Variants in R3HDM2 observed in about 807,000 individuals in gnomAD.
R3HDM2 encodes the protein R3H domain containing 2.
R3HDM2 carries 38 observed loss-of-function variants against 124.5 expected under a neutral mutation model. That is an observed-to-expected ratio of 0.31 (90% CI 0.24 to 0.40). The LOEUF (loss-of-function observed/expected upper bound fraction) is 0.40, where lower values mean the gene tolerates loss of function less well. Ranked by LOEUF, R3HDM2 falls within the 10% of genes least tolerant of loss-of-function variation. The pLI is 1.00. For missense variants in R3HDM2, 869 were observed against 1,236.9 expected, an observed-to-expected ratio of 0.70 and a Z score of 4.46; for synonymous variants, 391 against 448.0, an observed-to-expected ratio of 0.87 and a Z score of 1.61.
chr12:57,325,796 A>G (rs1222462658), intron 2 of R3HDM2, among the ~76,000 whole-genome samples: 1 of 150,266 alleles, frequency 6.7e-6, no homozygotes, highest in African/African-American at 2.5e-5. Flanking sequence ...CTGCCACCTC[A>G]GCCTCCCAAA....
At chr12:57,425,812 A>C (rs564877926) in intron 1 of R3HDM2, among the ~76,000 whole-genome samples, 1 of 152,232 alleles carries the variant, frequency 6.6e-6, no homozygotes, top group Admixed American at 6.5e-5. Flanking sequence ...AAAAACGCAC[A>C]CTTCACTCCC....
intron 3 of R3HDM2, among the ~76,000 whole-genome samples, chr12:57,306,705 G>GC (rs1280191261): frequency 2.6e-5 from 4 of 152,030 alleles, no homozygotes; most frequent in Admixed American, 6.5e-5. Flanking sequence ...ACCGCGCCTG[G>GC]CCTCCAAGTT....
chr12:57,374,829 TA>T (rs2063833789), intron 2 of R3HDM2, among the ~76,000 whole-genome samples: 1 of 146,374 alleles, frequency 6.8e-6, no homozygotes, highest in Non-Finnish European at 1.5e-5. Flanking sequence ...CCGTCTCTAC[TA>T]AAAATACAAA....
intron 1 of R3HDM2, among the ~76,000 whole-genome samples, chr12:57,428,958 G>A (rs934561133): frequency 2.0e-5 from 3 of 151,980 alleles, no homozygotes; most frequent in African/African-American, 4.8e-5. Context: ...TGTTGGCCAG[G>A]CTGGTCTCAA....
At chr12:57,365,274 G>GA (rs71448515) in intron 2 of R3HDM2, among the ~76,000 whole-genome samples, 58 of 140,154 alleles carry the variant, frequency 4.1e-4, no homozygotes, top group South Asian at 1.1e-3. Flanking sequence ...CAAAAAAAAA[G>GA]AAAAAAAAAA....
intron 2 of R3HDM2, among the ~76,000 whole-genome samples, chr12:57,384,400 T>C (rs2065386938): frequency 6.6e-6 from 1 of 151,774 alleles, no homozygotes; most frequent in Non-Finnish European, 1.5e-5. Flanking sequence ...CCTATGTTCC[T>C]TGAGATTATT....
chr12:57,305,593 T>C (rs2052403127), intron 3 of R3HDM2: 3 of 398,806 alleles, frequency 7.5e-6, no homozygotes, highest in Non-Finnish European at 1.3e-5. Flanking sequence ...ATATACACCA[T>C]GTTATCATGC....
rs1310098310 is a variant in R3HDM2, at chr12:57,316,302, C to T, written c.-35-5839G>A. 2.6e-5 allele frequency among the ~76,000 whole-genome samples: 4 copies of T among 152,188 alleles called. No homozygotes were observed. The East Asian group carries it at 7.7e-4, about 29-fold the overall frequency. On this transcript the variant is annotated intron_variant, in intron 2 of 23. Transcript: ENST00000402412. ...AGAATACATGATCAGGGAAGGAGAC[C>T]TTATCCCCAATCCCTGGGAGATGGA...
intron 2 of R3HDM2, among the ~76,000 whole-genome samples, chr12:57,392,288 G>A (rs1225488024): frequency 6.6e-6 from 1 of 152,230 alleles, no homozygotes; most frequent in Non-Finnish European, 1.5e-5. Context: ...GACCAGTTTT[G>A]TTGAAGACAA....
In R3HDM2 at chr12:57,430,751, C is replaced by A. The variant is rs1163798095; in HGVS notation, c.-137G>T. 5.0e-6 allele frequency: 1 copy of A among 201,396 alleles called. No homozygotes were observed. Among genetic ancestry groups the A allele is most frequent in the African/African-American group, 2.4e-5 (1 of 41,850 alleles). The allele number at this position is 201,396 out of a possible 1,614,324, so 12.5% of individuals were successfully genotyped here. ...CGGGCCTTGGCGGGGAGGGCGCCCA[C>A]GTCTCCGCCCGCCGCCCGGGCCCAC... On this transcript the variant is annotated 5_prime_UTR_variant, in exon 1 of 24. Coordinates refer to ENST00000402412, the MANE Select transcript of R3HDM2 (RefSeq NM_001394031.1).
At chr12:57,318,523 C>T (rs945710193) in intron 2 of R3HDM2, among the ~76,000 whole-genome samples, 1 of 151,940 alleles carries the variant, frequency 6.6e-6, no homozygotes, top group African/African-American at 2.4e-5. Context: ...GTGGTGTGTG[C>T]CTTAGTCACA....
intron 14 of R3HDM2, among the ~76,000 whole-genome samples, chr12:57,278,395 C>A (rs1248015809): frequency 6.6e-6 from 1 of 152,036 alleles, no homozygotes; most frequent in East Asian, 1.9e-4. Flanking sequence ...CTTGCCGTCT[C>A]GTCTGTTTCT....
chr12:57,288,636 C>G (rs2047934256), intron 12 of R3HDM2, among the ~76,000 whole-genome samples: 1 of 152,026 alleles, frequency 6.6e-6, no homozygotes, highest in African/African-American at 2.4e-5. Context: ...CCCTTCACCA[C>G]CTGTTTAGGA....
intron 2 of R3HDM2, among the ~76,000 whole-genome samples, chr12:57,349,858 C>A (rs1435565772): frequency 6.7e-6 from 1 of 149,892 alleles, no homozygotes; most frequent in East Asian, 2.1e-4. Context: ...CAGCGCCTGG[C>A]CAGTACATGG....
intron 2 of R3HDM2, among the ~76,000 whole-genome samples, chr12:57,337,226 A>G (rs4760348): frequency 0.45 from 68,175 of 151,842 alleles, 15,881 homozygotes; most frequent in South Asian, 0.53. Flanking sequence ...GTGCTATCTC[A>G]GCTCACTGTG....
chr12:57,292,954 A>G (rs980360269), intron 10 of R3HDM2, among the ~76,000 whole-genome samples: 7 of 139,048 alleles, frequency 5.0e-5, no homozygotes, highest in African/African-American at 1.9e-4. Context: ...GCTTCCCTCT[A>G]GTAATCAGGT....
At chr12:57,345,654 G>A (rs1399100934) in intron 2 of R3HDM2, among the ~76,000 whole-genome samples, 7 of 151,982 alleles carry the variant, frequency 4.6e-5, no homozygotes, top group Non-Finnish European at 1.0e-4. Context: ...CTGCCTCCTG[G>A]TTCTGGCTCT....
intron 2 of R3HDM2, among the ~76,000 whole-genome samples, chr12:57,381,680 C>T (rs1566422470): frequency 6.8e-6 from 1 of 147,398 alleles, no homozygotes; most frequent in African/African-American, 2.5e-5. Context: ...AAAATGGTAT[C>T]GACTTCATAA....
intron 19 of R3HDM2, among the ~76,000 whole-genome samples, chr12:57,264,393 T>TAAAAAAA (rs55891769): frequency 2.0e-5 from 2 of 102,542 alleles, no homozygotes; most frequent in Non-Finnish European, 3.9e-5. Context: ...CTGCCTCTAC[T>TAAAAAAA]AAAAAAAAAA....
Sources: allele counts gnomAD v4.1 joint callset (sites outside exome capture counted in the v4.1 genomes callset), GRCh38; gene constraint gnomAD v4.1.1; transcripts MANE v1.5; gene names NCBI Gene and HGNC (gene_info 2026-07-23, HGNC 2026-07-21).